Variants in TCF12 observed in about 807,000 individuals in gnomAD.
TCF12 encodes the protein transcription factor 12.
Under a neutral mutation model 86.0 loss-of-function variants are expected in TCF12, and 45 were observed. The ratio of observed to expected loss-of-function variants is 0.52; its 90% CI spans 0.41 to 0.67. The LOEUF (loss-of-function observed/expected upper bound fraction) is 0.67. Ranked by LOEUF, TCF12 falls within the 30% of genes least tolerant of loss-of-function variation. The pLI is 0.00. For synonymous variants in TCF12, 330 were observed against 299.6 expected (o/e 1.10, Z -1.05); for missense variants, 881 against 859.9 (o/e 1.02, Z -0.31).
At position 57,081,094 on chromosome 15, in the gene TCF12, C is replaced by T. The variant is rs1036820259; in HGVS notation, c.223-10695C>T. 2.6e-5 allele frequency among the ~76,000 whole-genome samples: 4 copies of T among 152,208 alleles called. No homozygotes were observed. The East Asian group carries it at 7.7e-4, about 29-fold the overall frequency. On this transcript the variant is annotated intron_variant, in intron 4 of 20. Transcript: ENST00000333725. The stretch of plus-strand genomic sequence containing the variant: ...AGTTTACTAAAGCTCTTATGACTGT[C>T]TCCACTGTTGTGAGCACCATTTGCC...
intron 6 of TCF12, among the ~76,000 whole-genome samples, chr15:57,177,265 ATTTTTT>A (rs3985739): frequency 1.8e-5 from 2 of 112,676 alleles, no homozygotes; most frequent in Non-Finnish European, 3.9e-5. Flanking sequence ...GCAATAGACA[ATTTTTT>A]TTTTTTTTTT....
chr15:57,257,016 T>C (rs930880913), intron 16 of TCF12, among the ~76,000 whole-genome samples: 3 of 152,184 alleles, frequency 2.0e-5, no homozygotes, highest in African/African-American at 7.2e-5. Flanking sequence ...GGCTGTATAG[T>C]CTCTGTCACA....
At chr15:57,072,503 G>A in intron 4 of TCF12, 1 of 300,222 alleles carries the variant, frequency 3.3e-6, no homozygotes, top group Non-Finnish European at 5.8e-6. Context: ...CTTCTCTAGT[G>A]TAGATATTTT....
Position 57,091,810 on chromosome 15 carries a change from T to A in TCF12, c.244T>A (p.Tyr82Asn). 3 of 1,613,766 alleles carry A rather than the reference T, an allele frequency of 1.9e-6. No homozygotes were observed. Among genetic ancestry groups the A allele is most frequent in the Non-Finnish European group, 2.5e-6 (3 of 1,179,762 alleles). The change falls in exon 5 of 21, where the codon TAC becomes AAC. Residue 82 changes from tyrosine to asparagine, a missense_variant. Around this residue, in one of 3 missense-constraint regions of TCF12, gnomAD observed 766 missense variants for 718.9 expected, o/e 1.07. Transcript: ENST00000333725. Reference sequence around the variant, plus strand: ...CTAGGGTTTTACAGACAGCCCTCATTACAGTGATCACTTGAATGACAGTCG... The same window carrying A: ...CTAGGGTTTTACAGACAGCCCTCATAACAGTGATCACTTGAATGACAGTCG... Reference protein sequence around the residue: ...SSRGFTDSPHYSDHLNDSRLG... With the variant: ...SSRGFTDSPHNSDHLNDSRLG...
chr15:57,216,547 C>A (rs28605344), intron 8 of TCF12, among the ~76,000 whole-genome samples: 28 of 146,896 alleles, frequency 1.9e-4, no homozygotes, highest in African/African-American at 6.5e-4. Context: ...TAGGATTAAC[C>A]CTTGACATGT....
rs2059441698 is a variant in TCF12, at chr15:57,237,802, T to A, written c.1035+3695T>A. Among the ~76,000 whole-genome samples, 5 of 152,318 alleles carry A rather than the reference T, an allele frequency of 3.3e-5. 1 individual carries two copies. The South Asian group carries it at 1.0e-3, about 32-fold the overall frequency. On this transcript the variant is annotated intron_variant, in intron 12 of 20. Transcript: ENST00000333725. ...GTTTAGAAGTTAAAGTAGCACAATT[T>A]TTATAGAATAAGTATGATTTGTTTG...
intron 3 of TCF12, among the ~76,000 whole-genome samples, chr15:56,923,410 C>T (rs1167363478): frequency 6.6e-6 from 1 of 152,004 alleles, no homozygotes; most frequent in African/African-American, 2.4e-5. Flanking sequence ...ACTAATTTGT[C>T]TTGAGGATCT....
At chr15:57,077,021 C>G (rs1223466648) in intron 4 of TCF12, among the ~76,000 whole-genome samples, 3 of 152,156 alleles carry the variant, frequency 2.0e-5, no homozygotes, top group Non-Finnish European at 4.4e-5. Flanking sequence ...TTTATCTTCA[C>G]ACCAATACCA....
At chr15:57,170,678 ATAT>A (rs1567557956) in intron 6 of TCF12, among the ~76,000 whole-genome samples, 92 of 1,430 alleles carry the variant, frequency 0.064, 2 homozygotes, top group Middle Eastern at 0.5. Context: ...TATATATAAT[ATAT>A]TATATATAAT....
intron 6 of TCF12, among the ~76,000 whole-genome samples, chr15:57,180,051 T>C (rs1338496112): frequency 1.3e-5 from 2 of 152,210 alleles, no homozygotes; most frequent in East Asian, 3.8e-4. Flanking sequence ...TGCTGATAAT[T>C]GCTAACATAT....
At chr15:57,018,729 C>T (rs764362655) in intron 3 of TCF12, among the ~76,000 whole-genome samples, 2 of 152,164 alleles carry the variant, frequency 1.3e-5, no homozygotes, top group Non-Finnish European at 2.9e-5. Flanking sequence ...GCATGAGCCA[C>T]TGTGCCCTAG....
chr15:57,248,956 C>T (rs1023540511), intron 13 of TCF12, among the ~76,000 whole-genome samples: 1 of 152,146 alleles, frequency 6.6e-6, no homozygotes, highest in Non-Finnish European at 1.5e-5. Flanking sequence ...GAACGTAAAA[C>T]GTGTTAATAT....
At chr15:57,047,836 G>A (rs537536583) in intron 3 of TCF12, among the ~76,000 whole-genome samples, 1 of 152,176 alleles carries the variant, frequency 6.6e-6, no homozygotes, top group Admixed American at 6.5e-5. Flanking sequence ...ATCATAAAGA[G>A]TACAGTGCCT....
At chr15:57,126,083 C>A (rs1318509322) in intron 5 of TCF12, among the ~76,000 whole-genome samples, 1 of 152,022 alleles carries the variant, frequency 6.6e-6, no homozygotes, top group Non-Finnish European at 1.5e-5. Flanking sequence ...ATAACAACAA[C>A]AACAAAGAAA....
intron 3 of TCF12, among the ~76,000 whole-genome samples, chr15:56,954,823 C>A (rs1199203807): frequency 6.6e-6 from 1 of 152,138 alleles, no homozygotes; most frequent in Non-Finnish European, 1.5e-5. Flanking sequence ...AAAAAATGCT[C>A]ATCATCACTA....
chr15:57,286,767 G>GGT lies in TCF12; in HGVS notation c.*623_*624dup. 1 of 404,522 alleles carries GGT rather than the reference G, an allele frequency of 2.5e-6. No individual in the cohort carries two copies. The highest frequency in any genetic ancestry group is 4.9e-6 in the Non-Finnish European group (1 of 205,546). 25.1% of individuals were successfully genotyped at this position (404,522 alleles called of 1,614,324 possible). ...TCCATGAAATAGGAAAATATTACTT[G>GGT]GTATAGCATTTCTCTTGCTCTCATT... is the stretch of plus-strand genomic sequence containing the variant. On this transcript the variant is annotated 3_prime_UTR_variant, in exon 21 of 21. Coordinates refer to ENST00000333725, the MANE Select transcript of TCF12 (RefSeq NM_207037.2).
At chr15:57,201,081 TGAA>T (rs1464014291) in intron 8 of TCF12, among the ~76,000 whole-genome samples, 64 of 152,270 alleles carry the variant, frequency 4.2e-4, no homozygotes, top group African/African-American at 1.5e-3. Flanking sequence ...TTCCTCCTGA[TGAA>T]GAAGTGATGT....
chr15:57,060,702 C>T (rs1007233070), intron 3 of TCF12, among the ~76,000 whole-genome samples: 47 of 152,314 alleles, frequency 3.1e-4, no homozygotes, highest in African/African-American at 1.1e-3. Context: ...TGTTACTTCT[C>T]ATCACTGTAT....
chr15:57,138,271 T>A (rs2052700446), intron 5 of TCF12, among the ~76,000 whole-genome samples: 1 of 152,228 alleles, frequency 6.6e-6, no homozygotes, highest in African/African-American at 2.4e-5. Context: ...ATTTCTGTTT[T>A]TCATGTTTTT....
Sources: allele counts gnomAD v4.1 joint callset (sites outside exome capture counted in the v4.1 genomes callset), GRCh38; gene constraint gnomAD v4.1.1; regional missense constraint gnomAD v4.1.1; transcripts MANE v1.5; gene names NCBI Gene and HGNC (gene_info 2026-07-23, HGNC 2026-07-21).